FOXO1: variants seen among roughly 807,000 people sequenced by gnomAD.
The protein encoded by FOXO1 is forkhead box O1, also known as forkhead box protein O1.
FOXO1 carries 6 observed loss-of-function variants against 44.1 expected under a neutral mutation model. The observed-to-expected ratio is 0.14, with a 90% CI of 0.07 to 0.27. The LOEUF (loss-of-function observed/expected upper bound fraction) is 0.27. Ranked by LOEUF, FOXO1 falls within the 10% of genes least tolerant of loss-of-function variation. The probability of loss-of-function intolerance (pLI) is 1.00; values close to 1 mark genes in which losing one functional copy is unlikely to be tolerated. For synonymous variants in FOXO1, 380 were observed against 362.7 expected (o/e 1.05, Z -0.54); for missense variants, 737 against 888.8 (o/e 0.83, Z 2.17).
chr13:40,631,971 A>G (rs1394204732), intron 1 of FOXO1, among the ~76,000 whole-genome samples: 1 of 151,998 alleles, frequency 6.6e-6, no homozygotes, highest in Admixed American at 6.6e-5. Flanking sequence ...CACTACCTCC[A>G]AAAAAAATGA....
intron 1 of FOXO1, among the ~76,000 whole-genome samples, chr13:40,636,923 T>C (rs998248494): frequency 2.0e-5 from 3 of 152,226 alleles, no homozygotes; most frequent in African/African-American, 7.2e-5. Context: ...CTGAATACTA[T>C]GCGCTAGGTA....
intron 1 of FOXO1, among the ~76,000 whole-genome samples, chr13:40,645,220 T>C (rs1324617193): frequency 6.6e-6 from 1 of 152,160 alleles, no homozygotes; most frequent in Non-Finnish European, 1.5e-5. Context: ...CATCTATATA[T>C]CCAGACTATC....
In FOXO1 at chr13:40,592,381, T is replaced by A. The variant is rs1051664074; in HGVS notation, c.631-31521A>T. 2.0e-5 allele frequency among the ~76,000 whole-genome samples: 3 copies of A among 152,250 alleles called. No individual in the cohort carries two copies. In the East Asian group the frequency reaches 5.8e-4, roughly 29 times the overall value. Reference sequence around the variant, plus strand: ...TTTGTTTTGTGAACTAGACCTGCAATATCTTTGAAGGAGTTACCTTAAATT... The same window carrying A: ...TTTGTTTTGTGAACTAGACCTGCAAAATCTTTGAAGGAGTTACCTTAAATT... On this transcript the variant is annotated intron_variant, in intron 1 of 2. Coordinates refer to ENST00000379561, the MANE Select transcript of FOXO1 (RefSeq NM_002015.4).
intron 1 of FOXO1, among the ~76,000 whole-genome samples, chr13:40,596,519 T>C (rs539623762): frequency 6.6e-6 from 1 of 152,344 alleles, no homozygotes; most frequent in Admixed American, 6.5e-5. Context: ...ATTAGTTACA[T>C]GATCTTGGGC....
rs561256340 is a variant in FOXO1, at chr13:40,627,097, C to T, written c.630+38486G>A. Among the ~76,000 whole-genome samples, 8 of 152,314 alleles carry T rather than the reference C, an allele frequency of 5.3e-5. No individual in the cohort carries two copies. In the South Asian group the frequency reaches 1.7e-3, roughly 32 times the overall value. On this transcript the variant is annotated intron_variant, in intron 1 of 2. Coordinates refer to ENST00000379561, the MANE Select transcript of FOXO1 (RefSeq NM_002015.4). The stretch of plus-strand genomic sequence containing the variant: ...CATTAGAACACTGCAATCACCTTTG[C>T]TTCTTTTCCAGGTCCATCCCTATCC...
Position 40,558,494 on chromosome 13 carries a change from G to A in FOXO1, c.*555C>T, listed in dbSNP as rs778591760. ...GTTCTCATGTGAATTCTGTGGCAACGTGAACAGGTCCAAGGCTGTTCAATG... is the reference window on the plus strand; with the variant it reads ...GTTCTCATGTGAATTCTGTGGCAACATGAACAGGTCCAAGGCTGTTCAATG... On this transcript the variant is annotated 3_prime_UTR_variant, in exon 3 of 3. Coordinates refer to ENST00000379561, the MANE Select transcript of FOXO1 (RefSeq NM_002015.4). 6.7e-5 allele frequency: 13 copies of A among 195,418 alleles called. No individual in the cohort carries two copies. The highest frequency in any genetic ancestry group is 1.8e-4 in the Admixed American group (3 of 16,572). The allele number at this position is 195,418 out of a possible 1,614,324, so 12.1% of individuals were successfully genotyped here.
At chr13:40,581,345 G>A (rs1326168455) in intron 1 of FOXO1, among the ~76,000 whole-genome samples, 1 of 152,170 alleles carries the variant, frequency 6.6e-6, no homozygotes, top group Non-Finnish European at 1.5e-5. Context: ...TCATACAATA[G>A]TACAAATTGT....
intron 1 of FOXO1, among the ~76,000 whole-genome samples, chr13:40,579,374 C>G (rs531826931): frequency 2.0e-5 from 3 of 152,184 alleles, no homozygotes; most frequent in Non-Finnish European, 4.4e-5. Context: ...TTACTCCGTG[C>G]GAAGCAAGAC....
chr13:40,629,246 T>G (rs891068055), intron 1 of FOXO1, among the ~76,000 whole-genome samples: 6 of 152,004 alleles, frequency 3.9e-5, no homozygotes, highest in Admixed American at 1.3e-4. Context: ...GGGTTCAAGC[T>G]ATTCTCCTGC....
intron 1 of FOXO1, among the ~76,000 whole-genome samples, chr13:40,616,571 A>T (rs1876430831): frequency 1.3e-5 from 2 of 152,194 alleles, no homozygotes; most frequent in African/African-American, 4.8e-5. Context: ...CCATTGGTAA[A>T]CTCACAGGTA....
Position 40,587,762 on chromosome 13 carries a change from C to T in FOXO1, c.631-26902G>A, listed in dbSNP as rs187270528. 2.0e-3 allele frequency among the ~76,000 whole-genome samples: 297 copies of T among 152,304 alleles called. 1 individual carries two copies. The highest frequency in any genetic ancestry group is 6.6e-3 in the African/African-American group (275 of 41,562). ...GAATGGTCTGGAAAGCCAAATGAAA[C>T]GGAAGTCTTCACTTAATGAGACATT... On this transcript the variant is annotated intron_variant, in intron 1 of 2. Coordinates refer to ENST00000379561, the MANE Select transcript of FOXO1 (RefSeq NM_002015.4).
At chr13:40,644,117 C>A (rs981336488) in intron 1 of FOXO1, among the ~76,000 whole-genome samples, 4 of 152,190 alleles carry the variant, frequency 2.6e-5, no homozygotes, top group African/African-American at 9.7e-5. Context: ...CTGTAGTGAT[C>A]TAAAGACATC....
chr13:40,629,578 T>A (rs1375222819), intron 1 of FOXO1, among the ~76,000 whole-genome samples: 2 of 152,250 alleles, frequency 1.3e-5, no homozygotes, highest in South Asian at 4.1e-4. Flanking sequence ...TTTGGAACAT[T>A]TGCATTAAAC....
intron 1 of FOXO1, among the ~76,000 whole-genome samples, chr13:40,623,002 C>T (rs1477620583): frequency 6.6e-6 from 1 of 152,146 alleles, no homozygotes. Context: ...TATGGCAACA[C>T]ACTTATACAG....
chr13:40,640,273 G>A (rs1877303701), intron 1 of FOXO1, among the ~76,000 whole-genome samples: 1 of 152,216 alleles, frequency 6.6e-6, no homozygotes, highest in Admixed American at 6.5e-5. Context: ...TCTTTTAAAG[G>A]ATAAGGAAAG....
At chr13:40,592,236 G>A (rs1450798196) in intron 1 of FOXO1, among the ~76,000 whole-genome samples, 2 of 152,050 alleles carry the variant, frequency 1.3e-5, no homozygotes, top group African/African-American at 4.8e-5. Context: ...CCAATCTCCA[G>A]CACTCCGCTT....
chr13:40,568,079 G>A (rs955789724), intron 1 of FOXO1, among the ~76,000 whole-genome samples: 5 of 152,096 alleles, frequency 3.3e-5, no homozygotes, highest in African/African-American at 1.2e-4. Flanking sequence ...ATCATCCTAG[G>A]GAAAACCTGT....
chr13:40,577,304 T>C (rs1039950062), intron 1 of FOXO1, among the ~76,000 whole-genome samples: 4 of 152,214 alleles, frequency 2.6e-5, no homozygotes, highest in Admixed American at 6.5e-5. Flanking sequence ...TTTTATGTGA[T>C]GTTAACCTTA....
At chr13:40,607,630 A>G (rs1467700088) in intron 1 of FOXO1, among the ~76,000 whole-genome samples, 1 of 152,248 alleles carries the variant, frequency 6.6e-6, no homozygotes, top group African/African-American at 2.4e-5. Context: ...CACACTATTT[A>G]GTATTGTACA....
Sources: gnomAD v4.1 joint callset for allele counts (sites outside exome capture counted in the v4.1 genomes callset) on GRCh38, gnomAD v4.1.1 for gene constraint, MANE v1.5 for transcripts, NCBI Gene and HGNC (gene_info 2026-07-23, HGNC 2026-07-21) for gene names.